GREB1L: variants seen among roughly 807,000 people sequenced by gnomAD.
GREB1L encodes the protein GREB1-like protein.
In GREB1L, 17 loss-of-function variants were observed where a neutral mutation model predicts 200.8. That is an observed-to-expected ratio of 0.08 (90% CI 0.06 to 0.13). The LOEUF (loss-of-function observed/expected upper bound fraction) is 0.13, where lower values mean the gene tolerates loss of function less well. Ranked by LOEUF, GREB1L falls within the 10% of genes least tolerant of loss-of-function variation. The pLI, the probability that GREB1L is intolerant of heterozygous loss-of-function variation, is 1.00. For synonymous variants in GREB1L, 789 were observed against 893.0 expected (o/e 0.88, Z 2.08); for missense variants, 1,657 against 2,367.7 (o/e 0.70, Z 6.23).
At chr18:21,406,058 T>TAAAAAAAAA (rs34222462) in intron 7 of GREB1L, among the ~76,000 whole-genome samples, 1 of 124,890 alleles carries the variant, frequency 8.0e-6, no homozygotes. Flanking sequence ...AGACCCTGTC[T>TAAAAAAAAA]AAAAAAAAAA....
At chr18:21,373,304 G>T (rs1362484785) in intron 2 of GREB1L, among the ~76,000 whole-genome samples, 1 of 152,076 alleles carries the variant, frequency 6.6e-6, no homozygotes, top group African/African-American at 2.4e-5. Context: ...GGGTTACAAA[G>T]TGATAATTTT....
rs1400780377 is a variant in GREB1L at position 21,525,758 on chromosome 18, G to T, written c.*2937G>T. Among the ~76,000 whole-genome samples the T allele has an allele frequency of 6.6e-6, 1 of 152,162 alleles. No homozygotes were observed. The highest frequency in any genetic ancestry group is 1.5e-5 in the Non-Finnish European group (1 of 68,024). On this transcript the variant is annotated 3_prime_UTR_variant, in exon 33 of 33. Coordinates refer to ENST00000424526, the MANE Select transcript of GREB1L (RefSeq NM_001142966.3). ...GTAGTATGAAGATGCTGTTATTGTA[G>T]TATGAATTATATCTTCTTAAAAAAT... is the stretch of plus-strand genomic sequence containing the variant.
At chr18:21,292,929 G>A (rs2038473512) in intron 1 of GREB1L, among the ~76,000 whole-genome samples, 1 of 152,160 alleles carries the variant, frequency 6.6e-6, no homozygotes, top group Non-Finnish European at 1.5e-5. Context: ...GCATCTCAGA[G>A]GCATAAAGGT....
intron 1 of GREB1L, among the ~76,000 whole-genome samples, chr18:21,249,860 TAAA>T (rs78648006): frequency 2.2e-5 from 3 of 134,526 alleles, no homozygotes; most frequent in Admixed American, 7.5e-5. Context: ...ACTCTGTCTT[TAAA>T]AAAAAAAAAA....
In GREB1L at chr18:21,449,793, T is replaced by C; in HGVS notation, c.1677T>C (p.Cys559=). ...TGCCAGATTATGTGGTGGTAATTTG[T>C]GCATCGAAAATCAGAGGAAATGAAT... The part of the protein sequence containing the change: ...QRLPDYVVVI[C]ASKIRGNEFC... Residue 559 remains cysteine (C), a synonymous_variant, in exon 12 of 33, where the codon TGT becomes TGC. Coordinates refer to ENST00000424526, the MANE Select transcript of GREB1L (RefSeq NM_001142966.3). 1 of 1,544,412 alleles carries C rather than the reference T, an allele frequency of 6.5e-7. No homozygotes were observed. Among genetic ancestry groups the C allele is most frequent in the Non-Finnish European group, 8.8e-7 (1 of 1,142,234 alleles).
chr18:21,511,751 A>G (rs1463734507), intron 27 of GREB1L, among the ~76,000 whole-genome samples: 2 of 152,120 alleles, frequency 1.3e-5, no homozygotes, highest in African/African-American at 4.8e-5. Context: ...AGCTCAAGCA[A>G]TCCTCCCACC....
chr18:21,452,244 G>A (rs770761312), intron 14 of GREB1L, 27 bp downstream of exon 14: 3 of 1,549,170 alleles, frequency 1.9e-6, no homozygotes, highest in South Asian at 1.2e-5. Context: ...CCAAGAGGAG[G>A]AAGTCAGTCC....
chr18:21,357,220 A>T (rs1905004701), intron 1 of GREB1L, among the ~76,000 whole-genome samples: 1 of 151,986 alleles, frequency 6.6e-6, no homozygotes, highest in African/African-American at 2.4e-5. Context: ...ACGTCTGGTT[A>T]TTTTTGTATT....
At chr18:21,266,363 A>G (rs2037967930) in intron 1 of GREB1L, among the ~76,000 whole-genome samples, 1 of 152,208 alleles carries the variant, frequency 6.6e-6, no homozygotes, top group Non-Finnish European at 1.5e-5. Flanking sequence ...TTAAAGAGAG[A>G]CAAGATATCT....
At chr18:21,253,316 G>A (rs2037744021) in intron 1 of GREB1L, among the ~76,000 whole-genome samples, 1 of 145,514 alleles carries the variant, frequency 6.9e-6, no homozygotes, top group African/African-American at 2.6e-5. Context: ...GCAATGGCAC[G>A]ATCTCGGTTC....
At chr18:21,344,615 T>A (rs537807266) in intron 1 of GREB1L, among the ~76,000 whole-genome samples, 28 of 152,330 alleles carry the variant, frequency 1.8e-4, no homozygotes, top group African/African-American at 6.5e-4. Flanking sequence ...CAAGTAGTAC[T>A]GTGTGAGTTA....
chr18:21,325,181 T>C (rs2039004102), intron 1 of GREB1L, among the ~76,000 whole-genome samples: 1 of 152,224 alleles, frequency 6.6e-6, no homozygotes. Context: ...TCTTATCTAA[T>C]TCTGTCCAGT....
At chr18:21,368,086 GAT>G (rs1441236630) in intron 2 of GREB1L, among the ~76,000 whole-genome samples, 1 of 152,164 alleles carries the variant, frequency 6.6e-6, no homozygotes, top group Non-Finnish European at 1.5e-5. Flanking sequence ...AGGGAAGAAA[GAT>G]AAAATGATAA....
chr18:21,471,057 G>T (rs1444876453), intron 15 of GREB1L, among the ~76,000 whole-genome samples: 1 of 152,158 alleles, frequency 6.6e-6, no homozygotes, highest in Non-Finnish European at 1.5e-5. Context: ...TTATATCCAA[G>T]AAAACAACCT....
chr18:21,516,616 T>C lies in GREB1L; in HGVS notation c.5133T>C (p.Tyr1711=), dbSNP rs536825763. The C allele has an allele frequency of 8.8e-5, 136 of 1,551,506 alleles. 1 individual carries two copies. Among genetic ancestry groups the C allele is most frequent in the South Asian group, 4.4e-4 (37 of 84,052 alleles). Residue 1711 remains tyrosine (Y), a synonymous_variant, in exon 30 of 33, where the codon TAT becomes TAC. Transcript: ENST00000424526. The part of the protein sequence containing the change: ...TQNVQYDFNR[Y]FCEDADFNLR... ...TATTGTTGTGGTTACAATTTAGGTATTTCTGTGAAGATGCTGACTTTAATC... is the reference window on the plus strand; with the variant it reads ...TATTGTTGTGGTTACAATTTAGGTACTTCTGTGAAGATGCTGACTTTAATC...
chr18:21,508,643 C>T, intron 27 of GREB1L, 52 bp downstream of exon 27: 1 of 1,460,160 alleles, frequency 6.8e-7, no homozygotes, highest in East Asian at 2.5e-5. Context: ...AAACTGAGCT[C>T]CATTCCCCTG....
chr18:21,300,328 T>G (rs769382287), intron 1 of GREB1L, among the ~76,000 whole-genome samples: 1 of 152,192 alleles, frequency 6.6e-6, no homozygotes, highest in Admixed American at 6.5e-5. Flanking sequence ...AAACATGAAG[T>G]TGATTTTGAA....
At chr18:21,415,098 C>A (rs2031494477) in intron 7 of GREB1L, among the ~76,000 whole-genome samples, 1 of 152,080 alleles carries the variant, frequency 6.6e-6, no homozygotes. Context: ...GACTAAGTAC[C>A]AGAGGGAAGA....
intron 1 of GREB1L, among the ~76,000 whole-genome samples, chr18:21,272,595 G>T (rs1490239010): frequency 2.0e-5 from 3 of 152,062 alleles, no homozygotes; most frequent in African/African-American, 7.2e-5. Context: ...AAAATATGAG[G>T]CAGCCTCAAG....
Sources: gnomAD v4.1 joint callset for allele counts (sites outside exome capture counted in the v4.1 genomes callset) on GRCh38, gnomAD v4.1.1 for gene constraint, MANE v1.5 for transcripts, NCBI Gene and HGNC (gene_info 2026-07-23, HGNC 2026-07-21) for gene names.